Variants in RGS7 observed in about 807,000 individuals in gnomAD.
RGS7 encodes regulator of G-protein signaling 7.
A neutral mutation model predicts 81.1 loss-of-function variants in RGS7; 27 were observed. That is an observed-to-expected ratio of 0.33 (90% CI 0.25 to 0.46). RGS7 has a LOEUF of 0.46. Ranked by LOEUF, RGS7 falls within the 20% of genes least tolerant of loss-of-function variation. RGS7 has a pLI of 1.00. For missense variants in RGS7, 396 were observed against 607.4 expected (o/e 0.65, Z 3.66); for synonymous variants, 208 against 207.7 (o/e 1.00, Z -0.01).
intron 3 of RGS7, among the ~76,000 whole-genome samples, chr1:241,085,525 A>G (rs567587236): frequency 1.6e-3 from 247 of 152,244 alleles, no homozygotes; most frequent in Non-Finnish European, 3.1e-3. Flanking sequence ...CCCAGGGTCA[A>G]GCAATTCTCC....
chr1:240,911,205 A>C (rs1242548540), intron 6 of RGS7, among the ~76,000 whole-genome samples: 1 of 151,996 alleles, frequency 6.6e-6, no homozygotes, highest in Non-Finnish European at 1.5e-5. Flanking sequence ...CATCATTTAC[A>C]TCTTGCAGGG....
intron 3 of RGS7, among the ~76,000 whole-genome samples, chr1:241,051,468 T>C (rs2061246002): frequency 1.4e-5 from 1 of 72,054 alleles, no homozygotes; most frequent in Non-Finnish European, 3.2e-5. Context: ...AGCCAACCAA[T>C]ATAGCAAAGC....
chr1:241,302,917 C>T (rs778990767), intron 2 of RGS7, among the ~76,000 whole-genome samples: 2 of 151,912 alleles, frequency 1.3e-5, no homozygotes, highest in Non-Finnish European at 2.9e-5. Flanking sequence ...ACTATTATCA[C>T]GTCCGGTAGC....
chr1:240,805,536 T>G (rs1688697630), intron 15 of RGS7, among the ~76,000 whole-genome samples: 1 of 152,218 alleles, frequency 6.6e-6, no homozygotes, highest in African/African-American at 2.4e-5. Context: ...AAAAGATGAC[T>G]GAAAATTTGC....
intron 3 of RGS7, among the ~76,000 whole-genome samples, chr1:241,025,992 A>C (rs1057242199): frequency 3.3e-5 from 5 of 152,228 alleles, no homozygotes; most frequent in African/African-American, 1.2e-4. Flanking sequence ...ATGTGGACAT[A>C]CTTTCTAAAG....
At chr1:240,955,551 C>CAAAAAAAAAAAAAAAAAAA (rs369155474) in intron 4 of RGS7, among the ~76,000 whole-genome samples, 25 of 140,294 alleles carry the variant, frequency 1.8e-4, no homozygotes, top group South Asian at 4.6e-4. Flanking sequence ...GACTCTGTCT[C>CAAAAAAAAAAAAAAAAAAA]AAAAAAAAAA....
intron 2 of RGS7, among the ~76,000 whole-genome samples, chr1:241,249,969 C>A (rs1409568859): frequency 6.6e-6 from 1 of 152,048 alleles, no homozygotes; most frequent in East Asian, 1.9e-4. Context: ...ATTATCCTAT[C>A]AATATTACAT....
At chr1:241,061,008 C>T (rs1480880930) in intron 3 of RGS7, among the ~76,000 whole-genome samples, 1 of 152,216 alleles carries the variant, frequency 6.6e-6, no homozygotes, top group Non-Finnish European at 1.5e-5. Context: ...CATGCCACCA[C>T]CTGCTCCCGC....
intron 2 of RGS7, among the ~76,000 whole-genome samples, chr1:241,116,030 T>G (rs1008167718): frequency 3.3e-5 from 5 of 152,160 alleles, no homozygotes; most frequent in African/African-American, 1.2e-4. Flanking sequence ...GTGCTTCCTC[T>G]TTGCCTTCTG....
chr1:240,967,555 T>C (rs1013156276), intron 4 of RGS7, among the ~76,000 whole-genome samples: 5 of 136,594 alleles, frequency 3.7e-5, no homozygotes, highest in Non-Finnish European at 7.8e-5. Flanking sequence ...GTCAAAGTGA[T>C]TGTGCCAAGA....
chr1:240,828,468 T>C (rs1373705304), intron 9 of RGS7, among the ~76,000 whole-genome samples: 4 of 152,166 alleles, frequency 2.6e-5, no homozygotes, highest in Non-Finnish European at 5.9e-5. Context: ...TTACTTTTGG[T>C]GCAGGATTTA....
chr1:240,914,812 T>A (rs1322751937), intron 6 of RGS7, among the ~76,000 whole-genome samples: 2 of 151,756 alleles, frequency 1.3e-5, no homozygotes, highest in Non-Finnish European at 2.9e-5. Context: ...CTCAGAGGAT[T>A]GATGTCAGAG....
At chr1:241,099,932 C>T (rs1382633093) in intron 2 of RGS7, among the ~76,000 whole-genome samples, 1 of 152,046 alleles carries the variant, frequency 6.6e-6, no homozygotes, top group Non-Finnish European at 1.5e-5. Flanking sequence ...GATAATTATG[C>T]CATGGTTATG....
chr1:240,944,652 C>T (rs1246570771), intron 4 of RGS7, among the ~76,000 whole-genome samples: 1 of 152,162 alleles, frequency 6.6e-6, no homozygotes, highest in African/African-American at 2.4e-5. Context: ...AAAGGCTCAA[C>T]TGCAAGTCAT....
intron 2 of RGS7, among the ~76,000 whole-genome samples, chr1:241,181,110 C>T (rs143487675): frequency 5.8e-4 from 88 of 152,280 alleles, no homozygotes; most frequent in African/African-American, 1.9e-3. Context: ...GAAACTACCT[C>T]GTATGATTCT....
chr1:241,143,940 GA>G (rs1180745802), intron 2 of RGS7, among the ~76,000 whole-genome samples: 1 of 152,126 alleles, frequency 6.6e-6, no homozygotes, highest in Non-Finnish European at 1.5e-5. Context: ...CTGTGAACCA[GA>G]GAATGAAACC....
intron 2 of RGS7, among the ~76,000 whole-genome samples, chr1:241,166,950 ATG>A (rs1483072312): frequency 1.3e-5 from 2 of 152,126 alleles, no homozygotes; most frequent in African/African-American, 4.8e-5. Context: ...GACCAGTAAA[ATG>A]TGTTAATTGC....
At chr1:240,895,192 A>G (rs1668858872) in intron 6 of RGS7, among the ~76,000 whole-genome samples, 2 of 152,216 alleles carry the variant, frequency 1.3e-5, no homozygotes, top group Non-Finnish European at 2.9e-5. Context: ...CCAGAAGCCA[A>G]GAAGATGCCA....
At chr1:241,001,376 A>T (rs1361896483) in intron 3 of RGS7, among the ~76,000 whole-genome samples, 1 of 152,150 alleles carries the variant, frequency 6.6e-6, no homozygotes, top group East Asian at 1.9e-4. Flanking sequence ...TGTACGGTAT[A>T]AAAAAGGCAA....
Sources: gnomAD v4.1 joint callset for allele counts (sites outside exome capture counted in the v4.1 genomes callset) on GRCh38, gnomAD v4.1.1 for gene constraint, MANE v1.5 for transcripts, NCBI Gene and HGNC (gene_info 2026-07-23, HGNC 2026-07-21) for gene names.